The following ARMC10 variants were observed in gnomAD, a reference collection of about 807,000 sequenced individuals.
ARMC10 encodes the protein armadillo repeat-containing protein 10.
ARMC10 carries 23 observed loss-of-function variants against 30.2 expected under a neutral mutation model. That is an observed-to-expected ratio of 0.76 (90% CI 0.55 to 1.08). ARMC10 has a LOEUF of 1.08. ARMC10 is among the 50% of genes least tolerant of loss of function. The pLI, the probability that ARMC10 is intolerant of heterozygous loss-of-function variation, is 0.00. For missense variants in ARMC10, 303 were observed against 413.7 expected (o/e 0.73, Z 2.32); for synonymous variants, 111 against 164.4 (o/e 0.68, Z 2.48).
intron 2 of ARMC10, among the ~76,000 whole-genome samples, chr7:103,077,921 T>C (rs1158721237): frequency 6.6e-6 from 1 of 152,244 alleles, no homozygotes; most frequent in Non-Finnish European, 1.5e-5. Flanking sequence ...GCTACTCCTT[T>C]ATCATTGAAG....
chr7:103,095,765 T>C (rs541960831), intron 5 of ARMC10: 1 of 152,324 alleles, frequency 6.6e-6, no homozygotes, highest in East Asian at 1.9e-4. Flanking sequence ...TAAAAAATGA[T>C]GAGTTCATGT....
At chr7:103,082,065 A>C (rs1315849761) in intron 2 of ARMC10, among the ~76,000 whole-genome samples, 1 of 152,040 alleles carries the variant, frequency 6.6e-6, no homozygotes, top group Non-Finnish European at 1.5e-5. Context: ...TCCGTTCTAA[A>C]AAGTTGTGTT....
At chr7:103,084,165 A>G (rs894196231) in intron 3 of ARMC10, 9 of 600,364 alleles carry the variant, frequency 1.5e-5, no homozygotes, top group African/African-American at 9.6e-5. Context: ...ATTTAAGTAC[A>G]TACTTTAAAT....
At chr7:103,096,348 G>A (rs534994281) in intron 5 of ARMC10, 1 of 152,134 alleles carries the variant, frequency 6.6e-6, no homozygotes, top group African/African-American at 2.4e-5. Flanking sequence ...TCAATCAACC[G>A]ATCTATCAGT....
chr7:103,093,731 T>C (rs1279660143), intron 5 of ARMC10, among the ~76,000 whole-genome samples: 1 of 152,216 alleles, frequency 6.6e-6, no homozygotes, highest in Non-Finnish European at 1.5e-5. Context: ...TCTGCCTGAC[T>C]CTGCAGCTGC....
chr7:103,094,958 AAAAT>A (rs1801640363), intron 5 of ARMC10, among the ~76,000 whole-genome samples: 1 of 29,288 alleles, frequency 3.4e-5, no homozygotes, highest in African/African-American at 3.7e-5. Flanking sequence ...TAATTTTCTA[AAAAT>A]AAAGAAATAT....
At position 103,086,716 on chromosome 7, in the gene ARMC10, T is replaced by C. The variant is rs755527087; in HGVS notation, c.480T>C (p.Asn160=). ...AGAGTATTAAAGAGAAAGCTTTAAA[T>C]GCACTAAATAACCTGAGTGTGAATG... The part of the protein sequence containing the change: ...SNQSIKEKAL[N]ALNNLSVNVE... Residue 160 remains asparagine, a synonymous_variant, in exon 4 of 7, where the codon AAT becomes AAC. Coordinates refer to ENST00000323716, the MANE Select transcript of ARMC10 (RefSeq NM_031905.5). 6.3e-7 allele frequency: 1 copy of C among 1,596,354 alleles called. No homozygotes were observed. The highest frequency in any genetic ancestry group is 1.4e-5 in the African/African-American group (1 of 73,486).
intron 4 of ARMC10, chr7:103,089,445 A>G: frequency 5.1e-6 from 1 of 194,594 alleles, no homozygotes; most frequent in Admixed American, 4.7e-5. Context: ...TATAAATACC[A>G]GAGTAAATGT....
intron 4 of ARMC10, among the ~76,000 whole-genome samples, chr7:103,088,241 T>C (rs766504432): frequency 5.9e-5 from 9 of 152,190 alleles, no homozygotes; most frequent in Non-Finnish European, 1.2e-4. Flanking sequence ...CTTTTTTTAG[T>C]CCAGAAAATC....
intron 5 of ARMC10, among the ~76,000 whole-genome samples, chr7:103,094,657 T>G (rs1801619746): frequency 6.6e-6 from 1 of 152,192 alleles, no homozygotes; most frequent in Admixed American, 6.5e-5. Context: ...AGCCAGGTGT[T>G]TTTTTCCTAA....
At chr7:103,084,541 T>C (rs948463587) in intron 3 of ARMC10, among the ~76,000 whole-genome samples, 5 of 152,234 alleles carry the variant, frequency 3.3e-5, no homozygotes, top group African/African-American at 2.4e-5. Context: ...CTTTCAGTTA[T>C]AAATGACAGA....
At chr7:103,086,576 G>T in intron 3 of ARMC10, 54 bp from the exon 4 acceptor site, 1 of 1,530,042 alleles carries the variant, frequency 6.5e-7, no homozygotes, top group Non-Finnish European at 8.8e-7. Flanking sequence ...TTCAGTGAAC[G>T]GAGATGCATA....
chr7:103,078,070 A>T (rs1228075183), intron 2 of ARMC10, among the ~76,000 whole-genome samples: 4 of 151,780 alleles, frequency 2.6e-5, no homozygotes, highest in Non-Finnish European at 5.9e-5. Flanking sequence ...ATCTCAGCTC[A>T]CTGCAACCGC....
chr7:103,080,995 T>G (rs778974589), intron 2 of ARMC10, among the ~76,000 whole-genome samples: 3 of 152,200 alleles, frequency 2.0e-5, no homozygotes, highest in Non-Finnish European at 4.4e-5. Context: ...AGTAAAAAGA[T>G]CTGGATTCTA....
In ARMC10 at chr7:103,097,360, A is replaced by G. The variant is rs1342323627; in HGVS notation, c.777+12A>G. Reference sequence around the variant, plus strand: ...TTCTCCGTGCCCAAGTAAATAGCTTATATATTTATTTTGTAAATATACACA... The same window carrying G: ...TTCTCCGTGCCCAAGTAAATAGCTTGTATATTTATTTTGTAAATATACACA... On this transcript the variant is annotated intron_variant, in intron 6 of 6. Coordinates refer to ENST00000323716, the MANE Select transcript of ARMC10 (RefSeq NM_031905.5). 3 of 1,576,344 alleles carry G rather than the reference A, an allele frequency of 1.9e-6. No homozygotes were observed. Among genetic ancestry groups the G allele is most frequent in the Non-Finnish European group, 2.6e-6 (3 of 1,147,100 alleles).
rs902285154 is a variant in ARMC10, at chr7:103,086,751, A to G, written c.515A>G (p.Gln172Arg). 1.3e-6 allele frequency: 2 copies of G among 1,589,728 alleles called. No individual in the cohort carries two copies. Among genetic ancestry groups the G allele is most frequent in the Admixed American group, 1.9e-5 (1 of 52,180 alleles). Reference sequence around the variant, plus strand: ...AACCTGAGTGTGAATGTTGAAAATCAAATCAAGATAAAGGTAAGTTGACTG... The same window carrying G: ...AACCTGAGTGTGAATGTTGAAAATCGAATCAAGATAAAGGTAAGTTGACTG... ...LNNLSVNVEN[Q>R]IKIKIYISQV... The change falls in exon 4 of 7, where the codon CAA becomes CGA. Residue 172 changes from glutamine (Q) to arginine (R), a missense_variant. Around this residue, in one of 4 missense-constraint regions of ARMC10, gnomAD observed 170 missense variants for 207.2 expected, o/e 0.82. Transcript: ENST00000323716.
rs1799583299 is a variant in ARMC10 at position 103,075,229 on chromosome 7, C to A, written c.-44C>A. 8.7e-7 allele frequency: 1 copy of A among 1,148,246 alleles called. No homozygotes were observed. The highest frequency in any genetic ancestry group is 4.8e-5 in the Admixed American group (1 of 21,024). The allele number at this position is 1,148,246 out of a possible 1,614,324, so 71.1% of individuals were successfully genotyped here. ...AGACCTCCGCGCTGGCCCCCGCGAG[C>A]CTCCTGCCCTGGCCCGGCGCTGCGG... On this transcript the variant is annotated 5_prime_UTR_variant, in exon 1 of 7. Coordinates refer to ENST00000323716, the MANE Select transcript of ARMC10 (RefSeq NM_031905.5).
intron 5 of ARMC10, among the ~76,000 whole-genome samples, chr7:103,094,295 A>G (rs1020962787): frequency 3.9e-5 from 6 of 152,258 alleles, no homozygotes; most frequent in African/African-American, 1.2e-4. Flanking sequence ...CTAATGGTTT[A>G]AAATGTCCTA....
chr7:103,098,212 C>G (rs1472115337), intron 6 of ARMC10, 87 bp from the exon 7 acceptor site: 1 of 1,161,118 alleles, frequency 8.6e-7, no homozygotes, highest in East Asian at 3.1e-5. Flanking sequence ...GTGAGTTATT[C>G]AATGTAGTTT....
Sources: gnomAD v4.1 joint callset for allele counts (sites outside exome capture counted in the v4.1 genomes callset) on GRCh38, gnomAD v4.1.1 for gene constraint, gnomAD v4.1.1 regional missense constraint, MANE v1.5 for transcripts, NCBI Gene and HGNC (gene_info 2026-07-23, HGNC 2026-07-21) for gene names.